Variants in UBAP1 observed in about 807,000 individuals in gnomAD.
UBAP1 encodes ubiquitin associated protein 1.
A neutral mutation model predicts 39.0 loss-of-function variants in UBAP1; 5 were observed. That is an observed-to-expected ratio of 0.13 (90% CI 0.07 to 0.27). The LOEUF (loss-of-function observed/expected upper bound fraction) is 0.27, where lower values mean the gene tolerates loss of function less well. Among genes scored for constraint, UBAP1 ranks in the 10% least tolerant of loss-of-function variants. UBAP1 has a pLI of 1.00. For synonymous variants in UBAP1, 211 were observed against 225.1 expected, an observed-to-expected ratio of 0.94 and a Z score of 0.56; for missense variants, 490 against 608.1, an observed-to-expected ratio of 0.81 and a Z score of 2.04.
intron 1 of UBAP1, among the ~76,000 whole-genome samples, chr9:34,182,671 C>CTT (rs67232930): frequency 1.1e-5 from 1 of 87,946 alleles, no homozygotes; most frequent in Non-Finnish European, 2.3e-5. Context: ...TTCTTTCTTT[C>CTT]TTTCTTTCTT....
intron 4 of UBAP1, among the ~76,000 whole-genome samples, chr9:34,243,359 CTGA>C (rs1834056453): frequency 1.3e-5 from 2 of 152,168 alleles, no homozygotes; most frequent in Non-Finnish European, 2.9e-5. Flanking sequence ...TTTGACCAGC[CTGA>C]TGATGGGAGT....
chr9:34,222,039 G>A (rs1832788168), intron 2 of UBAP1, among the ~76,000 whole-genome samples: 1 of 152,080 alleles, frequency 6.6e-6, no homozygotes, highest in Non-Finnish European at 1.5e-5. Flanking sequence ...TAAGGTGGGA[G>A]GATTGCTTGA....
chr9:34,208,503 C>T (rs952817204), intron 1 of UBAP1, among the ~76,000 whole-genome samples: 15 of 151,958 alleles, frequency 9.9e-5, no homozygotes, highest in Non-Finnish European at 1.9e-4. Flanking sequence ...ATTAGCCGGG[C>T]GCGGTGGCTC....
intron 2 of UBAP1, among the ~76,000 whole-genome samples, chr9:34,227,149 T>C (rs1833150257): frequency 6.6e-6 from 1 of 152,206 alleles, no homozygotes; most frequent in African/African-American, 2.4e-5. Context: ...AAAAAGCTGA[T>C]TTTGTAGATT....
chr9:34,233,093 T>C (rs1435081948), intron 2 of UBAP1, among the ~76,000 whole-genome samples: 1 of 152,228 alleles, frequency 6.6e-6, no homozygotes, highest in African/African-American at 2.4e-5. Context: ...TGGCTTGTGC[T>C]CCTGATGATC....
At chr9:34,247,105 A>T (rs549241353) in intron 4 of UBAP1, among the ~76,000 whole-genome samples, 1 of 152,160 alleles carries the variant, frequency 6.6e-6, no homozygotes, top group African/African-American at 2.4e-5. Flanking sequence ...CCTTATATAT[A>T]TTTGAAAATG....
chr9:34,186,668 T>C (rs879732678), intron 1 of UBAP1, among the ~76,000 whole-genome samples: 5 of 152,166 alleles, frequency 3.3e-5, no homozygotes, highest in African/African-American at 1.2e-4. Flanking sequence ...TTCTGCGAAG[T>C]GTATATTCAA....
chr9:34,179,089 C>T lies in UBAP1; in HGVS notation c.-159C>T. ...GCGGCTGCGGCACTGGCGGTGGCTA[C>T]GGTGACGGCCTGGCCCGGAGCGGGC... On this transcript the variant is annotated 5_prime_UTR_variant, in exon 1 of 7. It adds an upstream start codon to the 5' untranslated region. Transcript: ENST00000297661. The T allele has an allele frequency of 7.8e-7, 1 of 1,277,212 alleles. No homozygotes were observed. The highest frequency in any genetic ancestry group is 2.7e-5 in the South Asian group (1 of 37,186). The allele number at this position is 1,277,212 out of a possible 1,614,324, so 79.1% of individuals were successfully genotyped here.
At chr9:34,216,107 A>C (rs1832297136) in intron 1 of UBAP1, among the ~76,000 whole-genome samples, 1 of 151,548 alleles carries the variant, frequency 6.6e-6, no homozygotes, top group African/African-American at 2.4e-5. Flanking sequence ...TCTGATTTTC[A>C]AACTTGGAAG....
Position 34,179,202 on chromosome 9 carries a change from C to A in UBAP1, c.-46C>A. ...CCTGGGAGGCCGGCCGGTGCCAGCA[C>A]CTTTCGGCTTCTGAGACGGCGGCAG... On this transcript the variant is annotated 5_prime_UTR_variant, in exon 1 of 7. Coordinates refer to ENST00000297661, the MANE Select transcript of UBAP1 (RefSeq NM_016525.5). 2 of 1,234,336 alleles carry A rather than the reference C, an allele frequency of 1.6e-6. No homozygotes were observed. The highest frequency in any genetic ancestry group is 2.0e-6 in the Non-Finnish European group (2 of 988,428). 76.5% of individuals were successfully genotyped at this position (1,234,336 alleles called of 1,614,324 possible).
chr9:34,216,402 G>A (rs536160041), intron 1 of UBAP1, among the ~76,000 whole-genome samples: 1 of 152,210 alleles, frequency 6.6e-6, no homozygotes, highest in East Asian at 1.9e-4. Context: ...CCGCCAGTCT[G>A]CTTTCAGTCT....
At chr9:34,224,219 GGAGTCA>G (rs1490079037) in intron 2 of UBAP1, 1 of 507,110 alleles carries the variant, frequency 2.0e-6, no homozygotes, top group East Asian at 3.2e-5. Context: ...TTCTTCCTCA[GGAGTCA>G]GCTTGTCTCC....
intron 1 of UBAP1, among the ~76,000 whole-genome samples, chr9:34,198,063 T>C (rs1215052431): frequency 6.6e-6 from 1 of 152,192 alleles, no homozygotes; most frequent in African/African-American, 2.4e-5. Context: ...CTGCCCATAC[T>C]CTGAGGTTAG....
At chr9:34,192,226 T>C (rs997692462) in intron 1 of UBAP1, among the ~76,000 whole-genome samples, 29 of 151,726 alleles carry the variant, frequency 1.9e-4, no homozygotes, top group African/African-American at 6.8e-4. Context: ...TTGAAAGATC[T>C]AAAGTTCAGG....
intron 3 of UBAP1, among the ~76,000 whole-genome samples, chr9:34,234,998 A>C (rs992498813): frequency 1.3e-5 from 2 of 152,212 alleles, no homozygotes; most frequent in Admixed American, 1.3e-4. Flanking sequence ...CAGTGAAACA[A>C]GATGGGAAGG....
At chr9:34,207,927 A>G (rs1226429221) in intron 1 of UBAP1, among the ~76,000 whole-genome samples, 2 of 152,190 alleles carry the variant, frequency 1.3e-5, no homozygotes, top group African/African-American at 4.8e-5. Flanking sequence ...ATCTAATATG[A>G]AATAACAATG....
chr9:34,236,061 T>C (rs1355638825), intron 3 of UBAP1, among the ~76,000 whole-genome samples: 1 of 152,068 alleles, frequency 6.6e-6, no homozygotes, highest in African/African-American at 2.4e-5. Flanking sequence ...GGTTTCACCA[T>C]GTTAGTCAGG....
chr9:34,248,835 A>G (rs1834315882), intron 4 of UBAP1, among the ~76,000 whole-genome samples: 1 of 152,214 alleles, frequency 6.6e-6, no homozygotes, highest in Non-Finnish European at 1.5e-5. Flanking sequence ...AAACAAGGAA[A>G]TAAAAAAATT....
At chr9:34,187,469 C>G (rs773204274) in intron 1 of UBAP1, among the ~76,000 whole-genome samples, 3 of 152,182 alleles carry the variant, frequency 2.0e-5, no homozygotes, top group Non-Finnish European at 4.4e-5. Context: ...GAGACACCAA[C>G]AGATTTGTGA....
Sources: gnomAD v4.1 joint callset for allele counts (sites outside exome capture counted in the v4.1 genomes callset) on GRCh38, gnomAD v4.1.1 for gene constraint, MANE v1.5 for transcripts, NCBI Gene and HGNC (gene_info 2026-07-23, HGNC 2026-07-21) for gene names.